Variants in POU2F2 observed in about 807,000 individuals in gnomAD.
POU2F2 encodes the protein POU class 2 homeobox 2, also known as POU domain, class 2, transcription factor 2.
In POU2F2, 14 loss-of-function variants were observed where a neutral mutation model predicts 63.5. That is an observed-to-expected ratio of 0.22 (90% CI 0.15 to 0.34). POU2F2 has a LOEUF of 0.34. Among genes scored for constraint, POU2F2 ranks in the 10% least tolerant of loss-of-function variants. The probability of loss-of-function intolerance (pLI) is 1.00; values close to 1 mark genes in which losing one functional copy is unlikely to be tolerated. For missense variants in POU2F2, 607 were observed against 815.2 expected (o/e 0.74, Z 3.11); for synonymous variants, 306 against 348.6 (o/e 0.88, Z 1.36).
rs985172347 is a variant in POU2F2 at position 42,088,185 on chromosome 19, C to G, written c.*3072G>C. The G allele has an allele frequency of 6.6e-6, 1 of 152,254 alleles. No individual in the cohort carries two copies. The highest frequency in any genetic ancestry group is 1.5e-5 in the Non-Finnish European group (1 of 68,048). The allele number at this position is 152,254 out of a possible 1,614,324, so 9.4% of individuals were successfully genotyped here. A position where few individuals can be genotyped will look rare whatever the true frequency, so the allele number is the denominator to read the frequency against. ...ACCTGCCCCTCCCTCCCTCCTACCC[C>G]CTTCCCAATATTTGGTTTCACAGCT... On this transcript the variant is annotated 3_prime_UTR_variant, in exon 15 of 15. Transcript: ENST00000692977.
rs959264010 is a variant in POU2F2 at position 42,153,259 on chromosome 19, G to A, written c.-9+7073C>T. Among the ~76,000 whole-genome samples the A allele has an allele frequency of 2.6e-5, 4 of 152,156 alleles. No homozygotes were observed. The highest frequency in any genetic ancestry group is 4.8e-5 in the African/African-American group (2 of 41,414). Reference sequence around the variant, plus strand: ...TGCACATACCCGAGCGTCTTGGCCCGAGTCATGTCTGTGTGTGAACATGAG... The same window carrying A: ...TGCACATACCCGAGCGTCTTGGCCCAAGTCATGTCTGTGTGTGAACATGAG... On this transcript the variant is annotated intron_variant, in intron 2 of 6. Coordinates refer to the POU2F2 transcript ENST00000524801. This position sits in a 1 kb window ranked among gnomAD's most constrained non-coding sequence, Gnocchi z 5.6.
chr19:42,145,920 C>T (rs886971490), intron 2 of POU2F2, among the ~76,000 whole-genome samples: 7 of 151,050 alleles, frequency 4.6e-5, no homozygotes, highest in African/African-American at 7.3e-5. Context: ...GGTGACAAAG[C>T]GAGACTCTGT....
intron 12 of POU2F2, among the ~76,000 whole-genome samples, chr19:42,093,139 T>G (rs1268737274): frequency 1.3e-5 from 2 of 150,550 alleles, no homozygotes; most frequent in Non-Finnish European, 2.9e-5. Flanking sequence ...GCCTCCCGAG[T>G]AGCTGGGATT....
chr19:42,109,348 C>T (rs555670475), intron 5 of POU2F2, among the ~76,000 whole-genome samples: 2 of 152,356 alleles, frequency 1.3e-5, no homozygotes, highest in East Asian at 3.9e-4. Context: ...GTTGACATTC[C>T]TTTGCCATCC....
In POU2F2 at chr19:42,086,634, G is replaced by A. The variant is rs1378700028; in HGVS notation, c.*4623C>T. 1.3e-5 allele frequency: 2 copies of A among 152,188 alleles called. No individual in the cohort carries two copies. The highest frequency in any genetic ancestry group is 4.8e-5 in the African/African-American group (2 of 41,422). The allele number at this position is 152,188 out of a possible 1,614,324, so 9.4% of individuals were successfully genotyped here. ...AAAGGAGTTGAAAGTTCAGGCCCCT[G>A]CTCTTCCCAAAGACTCCTCGCCCAT... On this transcript the variant is annotated 3_prime_UTR_variant, in exon 15 of 15. Transcript: ENST00000692977.
In POU2F2 at chr19:42,151,450, G is replaced by C. The variant is rs548175357; in HGVS notation, c.-9+8882C>G. 2.6e-5 allele frequency among the ~76,000 whole-genome samples: 4 copies of C among 152,242 alleles called. No homozygotes were observed. In the East Asian group the frequency reaches 5.8e-4, roughly 22 times the overall value. On this transcript the variant is annotated intron_variant, in intron 2 of 6. Transcript: ENST00000524801. ...AAAGAACTGGAGCCCTGGGGAGTTG[G>C]GGGCTGGGGGGACGCACCTGGGACC...
upstream of POU2F2, among the ~76,000 whole-genome samples, chr19:42,179,560 A>G (rs1273392315): frequency 3.9e-5 from 6 of 151,948 alleles, no homozygotes; most frequent in Non-Finnish European, 4.4e-5. Flanking sequence ...GAGGAGGAGG[A>G]CGCAGGCACG....
Position 42,096,816 on chromosome 19 carries a change from G to A in POU2F2, c.568-573C>T, listed in dbSNP as rs1284435459. 6.6e-6 allele frequency among the ~76,000 whole-genome samples: 1 copy of A among 152,180 alleles called. No homozygotes were observed. The highest frequency in any genetic ancestry group is 1.5e-5 in the Non-Finnish European group (1 of 68,040). On this transcript the variant is annotated intron_variant, in intron 7 of 14. Transcript: ENST00000692977. The surrounding 1 kb of genome is among the most constrained non-coding windows in gnomAD (Gnocchi z 4.1). ...GGGTAATAGTGATGTGTCAATGTAG[G>A]TTCATCACCTGTTACGCTTGTACCA...
chr19:42,170,071 G>A (rs2034730105), intron 1 of POU2F2, among the ~76,000 whole-genome samples: 1 of 152,064 alleles, frequency 6.6e-6, no homozygotes, highest in South Asian at 2.1e-4. Flanking sequence ...AAAGGTCATG[G>A]GGGGAAAAGG....
At chr19:42,190,828 G>C (rs898195148) in intron 1 of POU2F2, among the ~76,000 whole-genome samples, 1 of 152,140 alleles carries the variant, frequency 6.6e-6, no homozygotes, top group Non-Finnish European at 1.5e-5. Context: ...GGTAGGCCAA[G>C]GAAGTTCTGT....
chr19:42,175,349 C>T lies in POU2F2; in HGVS notation c.-70+614G>A, dbSNP rs536558393. On this transcript the variant is annotated intron_variant, in intron 1 of 6. Coordinates refer to the POU2F2 transcript ENST00000524801. ...GGGATTCCTGCCTTTGCATGGAGCC[C>T]CTTTCCCTGGCACCCTGTTGAAGGC... 1.1e-4 allele frequency among the ~76,000 whole-genome samples: 16 copies of T among 152,236 alleles called. No homozygotes were observed. The South Asian group carries it at 2.9e-3, about 28-fold the overall frequency.
At chr19:42,109,523 C>T (rs112437104) in intron 5 of POU2F2, among the ~76,000 whole-genome samples, 3 of 152,246 alleles carry the variant, frequency 2.0e-5, no homozygotes, top group East Asian at 1.9e-4. Flanking sequence ...AAAGGGAAGG[C>T]GGACAACGGA....
At chr19:42,142,486 G>A (rs1035940164) in intron 2 of POU2F2, among the ~76,000 whole-genome samples, 10 of 151,968 alleles carry the variant, frequency 6.6e-5, no homozygotes, top group African/African-American at 2.2e-4. Context: ...CACTGTGCCC[G>A]GCCAGCACTT....
chr19:42,134,797 C>T (rs544846196), upstream of POU2F2, among the ~76,000 whole-genome samples: 39 of 152,262 alleles, frequency 2.6e-4, no homozygotes, highest in Non-Finnish European at 4.3e-4. Context: ...GTAACTGACA[C>T]GCGGGCCCCA....
intron 2 of POU2F2, among the ~76,000 whole-genome samples, chr19:42,146,163 G>T (rs2034230581): frequency 6.6e-6 from 1 of 151,836 alleles, no homozygotes; most frequent in Non-Finnish European, 1.5e-5. Context: ...AAAAAGCATT[G>T]TTAACATCCC....
chr19:42,107,863 C>G (rs1017507425), intron 5 of POU2F2, among the ~76,000 whole-genome samples: 1 of 152,140 alleles, frequency 6.6e-6, no homozygotes, highest in Admixed American at 6.5e-5. Context: ...CTGCCCACCA[C>G]CCCCGCTTAC....
chr19:42,188,850 AAG>A (rs909511517), intron 1 of POU2F2, among the ~76,000 whole-genome samples: 225 of 144,670 alleles, frequency 1.6e-3, no homozygotes, highest in African/African-American at 3.5e-3. Context: ...AAGAAAGGGA[AAG>A]AGAGAGAAAG....
chr19:42,132,331 C>G, intron 1 of POU2F2, 53 bp downstream of exon 1: 3 of 1,582,688 alleles, frequency 1.9e-6, no homozygotes, highest in Non-Finnish European at 1.7e-6. Flanking sequence ...GCAGAGCAAA[C>G]CTAAATGTGC....
Position 42,096,503 on chromosome 19 carries a change from C to G in POU2F2, c.568-260G>C, listed in dbSNP as rs761646578. On this transcript the variant is annotated intron_variant, in intron 7 of 14. Coordinates refer to ENST00000692977, the MANE Select transcript of POU2F2 (RefSeq NM_001394376.1). The surrounding 1 kb of genome is among the most constrained non-coding windows in gnomAD (Gnocchi z 4.1). Reference sequence around the variant, plus strand: ...GGACTCTCTGCACTGTCCCTTCACGCCTGCGAACTCCCAGAAGGAGCAGCC... The same window carrying G: ...GGACTCTCTGCACTGTCCCTTCACGGCTGCGAACTCCCAGAAGGAGCAGCC... Among the ~76,000 whole-genome samples, 10 of 152,224 alleles carry G rather than the reference C, an allele frequency of 6.6e-5. No homozygotes were observed. The highest frequency in any genetic ancestry group is 1.2e-4 in the Non-Finnish European group (8 of 68,042).
Sources: allele counts gnomAD v4.1 joint callset (sites outside exome capture counted in the v4.1 genomes callset), GRCh38; gene constraint gnomAD v4.1.1; non-coding constraint Gnocchi (gnomAD v3.1); transcripts MANE v1.5; gene names NCBI Gene and HGNC (gene_info 2026-07-23, HGNC 2026-07-21).